TENM4: variants seen among roughly 807,000 people sequenced by gnomAD.
The protein encoded by TENM4 is teneurin transmembrane protein 4, also known as teneurin-4.
A neutral mutation model predicts 243.3 loss-of-function variants in TENM4; 82 were observed. The observed-to-expected ratio is 0.34, with a 90% CI of 0.28 to 0.40. TENM4 has a LOEUF of 0.40. Ranked by LOEUF, TENM4 falls within the 10% of genes least tolerant of loss-of-function variation. TENM4 has a pLI of 1.00. For synonymous variants in TENM4, 1,412 were observed against 1,456.3 expected (o/e 0.97, Z 0.69); for missense variants, 3,138 against 3,673.3 (o/e 0.85, Z 3.77).
At chr11:79,387,835 T>A (rs1388005746) in intron 1 of TENM4, among the ~76,000 whole-genome samples, 1 of 152,068 alleles carries the variant, frequency 6.6e-6, no homozygotes, top group Non-Finnish European at 1.5e-5. Flanking sequence ...TGAAACTCCA[T>A]CTCTAGAAAT....
intron 6 of TENM4, among the ~76,000 whole-genome samples, chr11:79,054,498 C>G (rs929378737): frequency 2.0e-5 from 3 of 151,696 alleles, no homozygotes; most frequent in Non-Finnish European, 2.9e-5. Flanking sequence ...ATTCCAGGTA[C>G]CATCTTTTTT....
intron 1 of TENM4, among the ~76,000 whole-genome samples, chr11:79,425,911 C>G (rs1434120204): frequency 6.6e-6 from 1 of 152,194 alleles, no homozygotes; most frequent in Non-Finnish European, 1.5e-5. Flanking sequence ...AACATTTTGA[C>G]TTGAAAAGTT....
At chr11:79,332,553 T>C (rs113168019) in intron 1 of TENM4, among the ~76,000 whole-genome samples, 17 of 152,188 alleles carry the variant, frequency 1.1e-4, no homozygotes, top group Non-Finnish European at 2.4e-4. Context: ...ATTGTGGCCA[T>C]GGGGTAGCAG....
chr11:78,806,606 G>A (rs368256758), intron 14 of TENM4, among the ~76,000 whole-genome samples: 5 of 152,350 alleles, frequency 3.3e-5, no homozygotes, highest in Non-Finnish European at 5.9e-5. Flanking sequence ...TGAGGAAACC[G>A]AGGCTCTGAG....
intron 3 of TENM4, among the ~76,000 whole-genome samples, chr11:79,163,822 T>C (rs1275923265): frequency 6.8e-6 from 1 of 146,694 alleles, no homozygotes; most frequent in Non-Finnish European, 1.5e-5. Flanking sequence ...TATATATACA[T>C]GTATGTGTAC....
rs1031131903 is a variant in TENM4 at position 79,253,260 on chromosome 11, C to T, written c.-264-37351G>A. Among the ~76,000 whole-genome samples the T allele has an allele frequency of 6.6e-5, 10 of 152,274 alleles. No individual in the cohort carries two copies. In the East Asian group the frequency reaches 1.9e-3, roughly 29 times the overall value. On this transcript the variant is annotated intron_variant, in intron 2 of 33. Coordinates refer to ENST00000278550, the MANE Select transcript of TENM4 (RefSeq NM_001098816.3). ...TAAACTGCACTCACTCAAACTCACA[C>T]TCAGGGCCTGACCACCGTAAGGCCT...
chr11:78,715,949 T>C (rs1262491075), intron 25 of TENM4, among the ~76,000 whole-genome samples: 2 of 152,178 alleles, frequency 1.3e-5, no homozygotes, highest in African/African-American at 4.8e-5. Flanking sequence ...CTACCACTGA[T>C]AAGAATGCAT....
intron 3 of TENM4, among the ~76,000 whole-genome samples, chr11:79,159,730 G>A (rs1862701843): frequency 6.6e-6 from 1 of 152,128 alleles, no homozygotes; most frequent in Non-Finnish European, 1.5e-5. Context: ...GAAAAGAAGA[G>A]TGATTTGACT....
At chr11:79,160,464 C>T (rs539569240) in intron 3 of TENM4, among the ~76,000 whole-genome samples, 1 of 152,166 alleles carries the variant, frequency 6.6e-6, no homozygotes, top group South Asian at 2.1e-4. Flanking sequence ...GAGAGCCTCT[C>T]TTCTCCAGGA....
At chr11:79,320,281 G>A (rs1020089059) in intron 1 of TENM4, among the ~76,000 whole-genome samples, 1 of 152,196 alleles carries the variant, frequency 6.6e-6, no homozygotes, top group African/African-American at 2.4e-5. Context: ...TCCATAGCAT[G>A]GAATTACTGA....
At chr11:78,702,646 A>T (rs1859136555) in intron 27 of TENM4, among the ~76,000 whole-genome samples, 1 of 152,204 alleles carries the variant, frequency 6.6e-6, no homozygotes, top group African/African-American at 2.4e-5. Context: ...AGGAGTTAAC[A>T]ACAACAAAAT....
chr11:79,439,825 G>A (rs1015626112), intron 1 of TENM4, among the ~76,000 whole-genome samples: 7 of 152,174 alleles, frequency 4.6e-5, no homozygotes, highest in African/African-American at 1.7e-4. Flanking sequence ...GGTGAGAGTA[G>A]TCATACAGTC....
chr11:79,143,060 AC>A (rs920403660), intron 4 of TENM4, among the ~76,000 whole-genome samples: 1 of 152,112 alleles, frequency 6.6e-6, no homozygotes, highest in Non-Finnish European at 1.5e-5. Flanking sequence ...AAATAGGAAC[AC>A]TTTTACGCTG....
At chr11:79,122,721 C>T (rs893168760) in intron 4 of TENM4, among the ~76,000 whole-genome samples, 3 of 152,208 alleles carry the variant, frequency 2.0e-5, no homozygotes, top group East Asian at 1.9e-4. Flanking sequence ...CAAGATCCAA[C>T]TGGTACCCCT....
chr11:79,142,020 C>T (rs1235071171), intron 4 of TENM4, among the ~76,000 whole-genome samples: 1 of 152,036 alleles, frequency 6.6e-6, no homozygotes, highest in Non-Finnish European at 1.5e-5. Flanking sequence ...AACAGATTCA[C>T]AGCTGGAATC....
At chr11:78,810,179 T>C (rs1857468352) in intron 14 of TENM4, among the ~76,000 whole-genome samples, 1 of 152,030 alleles carries the variant, frequency 6.6e-6, no homozygotes, top group Non-Finnish European at 1.5e-5. Flanking sequence ...GAAAACCCCA[T>C]TATAAACACA....
chr11:79,080,083 C>T (rs1860629579), intron 4 of TENM4, among the ~76,000 whole-genome samples: 1 of 152,214 alleles, frequency 6.6e-6, no homozygotes, highest in Non-Finnish European at 1.5e-5. Context: ...TTTGCCTCAG[C>T]AATAGCTCTT....
chr11:78,781,590 A>C (rs1283095843), intron 16 of TENM4, among the ~76,000 whole-genome samples: 1 of 152,082 alleles, frequency 6.6e-6, no homozygotes, highest in Non-Finnish European at 1.5e-5. Context: ...TCTTGGGATA[A>C]TCTTAAGAAT....
intron 3 of TENM4, among the ~76,000 whole-genome samples, chr11:79,158,469 T>A (rs1052725044): frequency 1.3e-5 from 2 of 152,174 alleles, no homozygotes; most frequent in African/African-American, 2.4e-5. Flanking sequence ...GGTCCTTACC[T>A]GTAAATCAGA....
Sources: gnomAD v4.1 joint callset for allele counts (sites outside exome capture counted in the v4.1 genomes callset) on GRCh38, gnomAD v4.1.1 for gene constraint, MANE v1.5 for transcripts, NCBI Gene and HGNC (gene_info 2026-07-23, HGNC 2026-07-21) for gene names.